Variants in CCDC69 observed in about 807,000 individuals in gnomAD.
The protein encoded by CCDC69 is coiled-coil domain containing 69, also known as coiled-coil domain-containing protein 69.
In CCDC69, 38 loss-of-function variants were observed where a neutral mutation model predicts 40.3. The observed-to-expected ratio is 0.94, with a 90% CI of 0.73 to 1.24. The LOEUF (loss-of-function observed/expected upper bound fraction) is 1.24, where lower values mean the gene tolerates loss of function less well. CCDC69 is among the 50% of genes most tolerant of loss of function. The pLI is 0.00. For synonymous variants in CCDC69, 141 were observed against 138.9 expected, an observed-to-expected ratio of 1.02 and a Z score of -0.11; for missense variants, 389 against 357.9, an observed-to-expected ratio of 1.09 and a Z score of -0.70.
At chr5:151,196,240 C>T (rs1752697826) in intron 4 of CCDC69, among the ~76,000 whole-genome samples, 1 of 152,166 alleles carries the variant, frequency 6.6e-6, no homozygotes, top group South Asian at 2.1e-4. Flanking sequence ...CAACCTCTGC[C>T]TCCCGGGTTC....
chr5:151,203,766 GTA>G (rs1196265344), intron 2 of CCDC69, among the ~76,000 whole-genome samples: 20 of 129,782 alleles, frequency 1.5e-4, no homozygotes, highest in African/African-American at 2.6e-4. Context: ...AATCTATATA[GTA>G]TATATATACT....
rs549878363 is a variant in CCDC69 at position 151,222,437 on chromosome 5, T to C, written c.48+1486A>G. On this transcript the variant is annotated intron_variant, in intron 1 of 8. Coordinates refer to ENST00000355417, the MANE Select transcript of CCDC69 (RefSeq NM_015621.3). ...CCCGTTTCCTCCACCTCTAGGTAGA[T>C]GGAATTCACCCTTGGTCCACTTTGC... Among the ~76,000 whole-genome samples, 126 of 152,334 alleles carry C rather than the reference T, an allele frequency of 8.3e-4. 2 individuals are homozygous for C. Among genetic ancestry groups the C allele is most frequent in the Non-Finnish European group, 1.3e-3 (91 of 68,030 alleles).
chr5:151,190,298 A>G (rs1398759329), intron 4 of CCDC69, among the ~76,000 whole-genome samples: 1 of 152,210 alleles, frequency 6.6e-6, no homozygotes, highest in Non-Finnish European at 1.5e-5. Context: ...CATGAGATAA[A>G]TGTAACAAAA....
chr5:151,216,405 G>GGTTT (rs1561605577), intron 1 of CCDC69, among the ~76,000 whole-genome samples: 7 of 146,902 alleles, frequency 4.8e-5, no homozygotes, highest in African/African-American at 1.8e-4. Flanking sequence ...AAATTATTAG[G>GGTTT]ATTTTTTTTT....
rs1414900692 is a variant in CCDC69 at position 151,186,135 on chromosome 5, G to A, written c.394-11C>T. 9 of 1,564,678 alleles carry A rather than the reference G, an allele frequency of 5.8e-6. No homozygotes were observed. Among genetic ancestry groups the A allele is most frequent in the Non-Finnish European group, 7.0e-6 (8 of 1,135,194 alleles). Reference sequence around the variant, plus strand: ...TCTGTCTATGGTCTCCTGGAGCAGGGAGTGGGATGGAGACAATCAAAGCCT... The same window carrying A: ...TCTGTCTATGGTCTCCTGGAGCAGGAAGTGGGATGGAGACAATCAAAGCCT... On this transcript the variant is annotated splice_polypyrimidine_tract_variant and intron_variant, in intron 5 of 8. Transcript: ENST00000355417.
intron 7 of CCDC69, chr5:151,185,202 A>C (rs1752475624): frequency 2.1e-6 from 1 of 480,198 alleles, no homozygotes; most frequent in Non-Finnish European, 3.8e-6. Flanking sequence ...CAGCAACATC[A>C]GTAGCCTCAA....
chr5:151,187,277 C>G, intron 5 of CCDC69, 109 bp downstream of exon 5: 1 of 881,934 alleles, frequency 1.1e-6, no homozygotes, highest in East Asian at 2.5e-5. Flanking sequence ...CTCAGCCCCT[C>G]ACTCCTAGGC....
At chr5:151,203,371 A>G (rs1004328849) in intron 2 of CCDC69, among the ~76,000 whole-genome samples, 7 of 151,526 alleles carry the variant, frequency 4.6e-5, no homozygotes, top group Admixed American at 2.6e-4. Flanking sequence ...TTAGGTGGGC[A>G]TGGTGGCAGG....
intron 1 of CCDC69, among the ~76,000 whole-genome samples, chr5:151,217,963 C>T (rs1753073375): frequency 6.6e-6 from 1 of 151,172 alleles, no homozygotes; most frequent in African/African-American, 2.4e-5. Flanking sequence ...GCGAGGAAAG[C>T]CACAAAGGTC....
intron 4 of CCDC69, among the ~76,000 whole-genome samples, chr5:151,192,459 T>C (rs76595890): frequency 7.3e-6 from 1 of 137,750 alleles, no homozygotes; most frequent in Non-Finnish European, 1.6e-5. Flanking sequence ...AAAAAAAAAA[T>C]GACCAAAACT....
In CCDC69 at chr5:151,183,315, C is replaced by A; in HGVS notation, c.*122G>T. The A allele has an allele frequency of 8.9e-7, 1 of 1,126,452 alleles. No homozygotes were observed. The highest frequency in any genetic ancestry group is 1.3e-6 in the Non-Finnish European group (1 of 760,116). 69.8% of individuals were successfully genotyped at this position (1,126,452 alleles called of 1,614,324 possible). A position where few individuals can be genotyped will look rare whatever the true frequency, so the allele number is the denominator to read the frequency against. On this transcript the variant is annotated 3_prime_UTR_variant, in exon 9 of 9. Coordinates refer to ENST00000355417, the MANE Select transcript of CCDC69 (RefSeq NM_015621.3). ...CTCACTGGGCACACACCCAGGATCT[C>A]CATCTCGCTCCCACCCTCGTTCCTT...
chr5:151,189,730 G>A (rs1175545263), intron 4 of CCDC69, among the ~76,000 whole-genome samples: 1 of 152,136 alleles, frequency 6.6e-6, no homozygotes, highest in Admixed American at 6.5e-5. Context: ...GGTGTAGAAT[G>A]GAACCAGATA....
At position 151,205,432 on chromosome 5, in the gene CCDC69, G is replaced by A. The variant is rs1336487198; in HGVS notation, c.92C>T (p.Pro31Leu). The change falls in exon 2 of 9, where the codon CCC becomes CTC. Residue 31 changes from proline (P) to leucine (L), a missense_variant. Coordinates refer to ENST00000355417, the MANE Select transcript of CCDC69 (RefSeq NM_015621.3). ...CCCATTGAGGGGACCTAATTCATGGGGCTCTGGTCTGGGTGGCTGTTCTGG... is the reference window on the plus strand; with the variant it reads ...CCCATTGAGGGGACCTAATTCATGGAGCTCTGGTCTGGGTGGCTGTTCTGG... The part of the protein sequence containing the change: ...PEPEQPPRPE[P>L]HELGPLNGDT... 1.6e-5 allele frequency: 26 copies of A among 1,614,156 alleles called. No individual in the cohort carries two copies. The highest frequency in any genetic ancestry group is 2.0e-5 in the Non-Finnish European group (24 of 1,180,016).
At chr5:151,185,385 C>T (rs1324127858) in intron 7 of CCDC69, 37 bp downstream of exon 7, 6 of 1,611,144 alleles carry the variant, frequency 3.7e-6, no homozygotes, top group Non-Finnish European at 4.2e-6. Context: ...AAGCGGGAGC[C>T]TGAGGCTGCA....
chr5:151,214,185 C>T (rs560376485), intron 1 of CCDC69, among the ~76,000 whole-genome samples: 4 of 152,208 alleles, frequency 2.6e-5, no homozygotes, highest in Admixed American at 6.5e-5. Context: ...AGAGGTGATT[C>T]TAAGTCTCAA....
At chr5:151,206,987 G>A (rs1243382525) in intron 1 of CCDC69, among the ~76,000 whole-genome samples, 9 of 150,956 alleles carry the variant, frequency 6.0e-5, no homozygotes, top group Admixed American at 3.3e-4. Context: ...GTGCAATTGC[G>A]TGATTCTGGC....
chr5:151,221,779 C>G (rs1036066619), intron 1 of CCDC69, among the ~76,000 whole-genome samples: 6 of 152,266 alleles, frequency 3.9e-5, no homozygotes, highest in Admixed American at 2.0e-4. Flanking sequence ...GAACCTAACC[C>G]CTCTGTAGCC....
chr5:151,200,796 T>C (rs1204354627), intron 3 of CCDC69, among the ~76,000 whole-genome samples: 1 of 152,240 alleles, frequency 6.6e-6, no homozygotes, highest in Admixed American at 6.5e-5. Flanking sequence ...TTTTCATTTC[T>C]GGGTAATTTT....
intron 1 of CCDC69, among the ~76,000 whole-genome samples, chr5:151,221,858 G>A (rs956847369): frequency 1.3e-5 from 2 of 152,260 alleles, no homozygotes; most frequent in Non-Finnish European, 2.9e-5. Context: ...GCCTGTTGGG[G>A]ATGAACTTGG....
Sources: gnomAD v4.1 joint callset for allele counts (sites outside exome capture counted in the v4.1 genomes callset) on GRCh38, gnomAD v4.1.1 for gene constraint, MANE v1.5 for transcripts, NCBI Gene and HGNC (gene_info 2026-07-23, HGNC 2026-07-21) for gene names.